Variants in PEX5 observed in about 807,000 individuals in gnomAD.
PEX5 encodes the protein peroxisomal biogenesis factor 5.
Under a neutral mutation model 82.9 loss-of-function variants are expected in PEX5, and 52 were observed. That is an observed-to-expected ratio of 0.63 (90% CI 0.50 to 0.79). PEX5 has a LOEUF of 0.79. Among genes scored for constraint, PEX5 ranks in the 30% least tolerant of loss-of-function variants. The pLI is 0.00. For synonymous variants in PEX5, 300 were observed against 318.8 expected (o/e 0.94, Z 0.63); for missense variants, 719 against 815.2 (o/e 0.88, Z 1.44).
chr12:7,213,046 A>G (rs1334648439), downstream of PEX5, among the ~76,000 whole-genome samples: 1 of 152,146 alleles, frequency 6.6e-6, no homozygotes, highest in East Asian at 1.9e-4. Flanking sequence ...TTCAAGGAGA[A>G]CTACAAACCA....
chr12:7,197,111 T>C lies in PEX5; in HGVS notation c.449-1900T>C, dbSNP rs1417163790. Among the ~76,000 whole-genome samples the C allele has an allele frequency of 8.3e-4, 40 of 48,082 alleles. 14 individuals are homozygous for C. Among genetic ancestry groups the C allele is most frequent in the Admixed American group, 1.7e-3 (6 of 3,502 alleles). 31.5% of individuals were successfully genotyped at this position (48,082 alleles called of 152,430 possible). ...ACATATAATGTAATTATATATGTCA[T>C]ATAATGTAATAATATATGTCATATA... On this transcript the variant is annotated intron_variant, in intron 5 of 15. Coordinates refer to ENST00000675855, the MANE Select transcript of PEX5 (RefSeq NM_001351132.2).
Position 7,209,023 on chromosome 12 carries a change from G to C in PEX5, c.1413G>C (p.Val471=), listed in dbSNP as rs115760878. The change falls in exon 14 of 16, where the codon GTG becomes GTC. Residue 471 remains valine, a synonymous_variant. Transcript: ENST00000675855. The part of the protein sequence containing the change: ...SLLSDSLFLE[V]KELFLAAVRL... The stretch of plus-strand genomic sequence containing the variant: ...CATCCAGCTCCCTGTTTCTTGAAGT[G>C]AAAGAGCTCTTCCTGGCAGCTGTGC... 440 of 1,614,132 alleles carry C rather than the reference G, an allele frequency of 2.7e-4. 1 individual carries two copies. In the African/African-American group the frequency reaches 5.5e-3, roughly 20 times the overall value.
At chr12:7,189,974 G>C in intron 1 of PEX5, 7 of 1,498,872 alleles carry the variant, frequency 4.7e-6, no homozygotes, top group Non-Finnish European at 6.2e-6. Flanking sequence ...GGGCTGCGCG[G>C]GGCTAGGTAT....
chr12:7,197,503 A>G lies in PEX5; in HGVS notation c.449-1508A>G, dbSNP rs1440932673. On this transcript the variant is annotated intron_variant, in intron 5 of 15. Transcript: ENST00000675855. ...ATAATATAATAATTATATATGTTATATATAATGTAATAATTATATGTTATA... is the reference window on the plus strand; with the variant it reads ...ATAATATAATAATTATATATGTTATGTATAATGTAATAATTATATGTTATA... Among the ~76,000 whole-genome samples, 3 of 137,646 alleles carry G rather than the reference A, an allele frequency of 2.2e-5. 1 individual carries two copies. Among genetic ancestry groups the G allele is most frequent in the Non-Finnish European group, 3.1e-5 (2 of 65,210 alleles). 90.3% of individuals were successfully genotyped at this position (137,646 alleles called of 152,430 possible). A position where few individuals can be genotyped will look rare whatever the true frequency, so the allele number is the denominator to read the frequency against.
intron 11 of PEX5, 22 bp from the exon 12 acceptor site, chr12:7,207,988 G>C: frequency 6.2e-7 from 1 of 1,603,938 alleles, no homozygotes; most frequent in South Asian, 1.1e-5. Context: ...TGGGGTGATG[G>C]AATCTGTCAA....
In PEX5 at chr12:7,209,181, G is replaced by C; in HGVS notation, c.1560+11G>C. ...AGCGTTCGTCCCAATGTGAGCCCAG[G>C]GGAGGAATGGAAATGGGACATGACT... On this transcript the variant is annotated intron_variant, in intron 14 of 15. Transcript: ENST00000675855. 6.2e-7 allele frequency: 1 copy of C among 1,613,318 alleles called. No individual in the cohort carries two copies. The highest frequency in any genetic ancestry group is 8.5e-7 in the Non-Finnish European group (1 of 1,179,738).
At chr12:7,201,925 TAAAGAG>T (rs1944113149) in intron 7 of PEX5, 84 bp downstream of exon 7, 1 of 990,996 alleles carries the variant, frequency 1.0e-6, no homozygotes, top group South Asian at 1.3e-5. Context: ...CAGTTTAGTT[TAAAGAG>T]AAGGAGAAGA....
At position 7,200,052 on chromosome 12, in the gene PEX5, G is replaced by A. The variant is rs374953507; in HGVS notation, c.551+939G>A. ...CCCGCACCTCCCTCCCGGACGGGGC[G>A]GCTGGCCGGGCGGGGGGCTGACCCC... On this transcript the variant is annotated intron_variant, in intron 6 of 15. Coordinates refer to ENST00000675855, the MANE Select transcript of PEX5 (RefSeq NM_001351132.2). 2.0e-3 allele frequency among the ~76,000 whole-genome samples: 171 copies of A among 87,524 alleles called. 10 individuals are homozygous for A. The East Asian group carries it at 0.045, about 23-fold the overall frequency. 57.4% of individuals were successfully genotyped at this position (87,524 alleles called of 152,430 possible). A position where few individuals can be genotyped will look rare whatever the true frequency, so the allele number is the denominator to read the frequency against.
chr12:7,214,333 C>T (rs369372093), downstream of PEX5, among the ~76,000 whole-genome samples: 2,079 of 151,762 alleles, frequency 0.014, 22 homozygotes, highest in Non-Finnish European at 0.021. Flanking sequence ...TGTCCAACAA[C>T]GATAGACTGG....
intron 10 of PEX5, 101 bp downstream of exon 10, chr12:7,203,652 G>A: frequency 8.6e-7 from 1 of 1,165,228 alleles, no homozygotes; most frequent in South Asian, 1.3e-5. Flanking sequence ...GTATTTTCTT[G>A]AGTCCCTTTC....
At chr12:7,204,824 T>G (rs763653705) in intron 10 of PEX5, among the ~76,000 whole-genome samples, 1 of 149,494 alleles carries the variant, frequency 6.7e-6, no homozygotes, top group South Asian at 2.1e-4. Flanking sequence ...CAGAATACAT[T>G]TTTTTTTTTC....
chr12:7,198,731 A>C (rs953891895), intron 5 of PEX5, among the ~76,000 whole-genome samples: 7 of 152,178 alleles, frequency 4.6e-5, no homozygotes, highest in African/African-American at 1.7e-4. Context: ...CAAGAAAAAG[A>C]GTTTGGTTCT....
upstream of PEX5, chr12:7,188,955 A>G (rs2122657): frequency 0.98 from 149,493 of 152,348 alleles, 73,410 homozygotes; most frequent in East Asian, 1. Flanking sequence ...GCCTGGAGTG[A>G]TGGGAATAAG....
chr12:7,189,596 C>G (rs908383356), upstream of PEX5: 1 of 270,338 alleles, frequency 3.7e-6, no homozygotes, highest in African/African-American at 2.2e-5. Context: ...TAAGGCCCCG[C>G]CTTTTCAGAC....
intron 5 of PEX5, among the ~76,000 whole-genome samples, chr12:7,196,038 T>TATTATAC (rs1302165533): frequency 1.4e-5 from 2 of 144,804 alleles, no homozygotes; most frequent in Non-Finnish European, 3.0e-5. Flanking sequence ...ATATATTATA[T>TATTATAC]ATATTATATA....
rs375895266 is a variant in PEX5, at chr12:7,208,076, C to T, written c.1177C>T (p.Arg393Trp). The T allele has an allele frequency of 9.9e-6, 16 of 1,609,968 alleles. No homozygotes were observed. The highest frequency in any genetic ancestry group is 6.7e-5 in the East Asian group (3 of 44,866). Residue 393 changes from arginine (R) to tryptophan (W), a missense_variant, in exon 12 of 16, where the codon CGG becomes TGG. Transcript: ENST00000675855. ...EQELLAISAL[R>W]RCLELKPDNQ... ...AGAACTATTAGCCATCAGTGCATTGCGGAGGTGAGTACACTGAAAGGTGTG... is the reference window on the plus strand; with the variant it reads ...AGAACTATTAGCCATCAGTGCATTGTGGAGGTGAGTACACTGAAAGGTGTG...
intron 13 of PEX5, 72 bp from the exon 14 acceptor site, chr12:7,208,930 TGAA>T: frequency 7.6e-7 from 1 of 1,311,618 alleles, no homozygotes; most frequent in Admixed American, 1.7e-5. Context: ...GGTTGATCAA[TGAA>T]GAAATTAATT....
chr12:7,199,746 A>G (rs962623451), intron 6 of PEX5, among the ~76,000 whole-genome samples: 3 of 151,156 alleles, frequency 2.0e-5, no homozygotes, highest in East Asian at 2.0e-4. Flanking sequence ...GGTGGTGGCC[A>G]GGCAGAGGGG....
chr12:7,191,491 C>G (rs183221336), intron 4 of PEX5, 78 bp from the exon 5 acceptor site: 3 of 1,596,794 alleles, frequency 1.9e-6, no homozygotes, highest in African/African-American at 2.7e-5. Flanking sequence ...AGTGTTTTCA[C>G]GTGGATTCAG....
Sources: allele counts gnomAD v4.1 joint callset (sites outside exome capture counted in the v4.1 genomes callset), GRCh38; gene constraint gnomAD v4.1.1; transcripts MANE v1.5; gene names NCBI Gene and HGNC (gene_info 2026-07-23, HGNC 2026-07-21).